The following SUGT1 variants were observed in gnomAD, a reference collection of about 807,000 sequenced individuals.
The protein encoded by SUGT1 is SGT1 assembly cochaperone of MIS12 kinetochore complex.
SUGT1 carries 15 observed loss-of-function variants against 56.1 expected under a neutral mutation model. That is an observed-to-expected ratio of 0.27 (90% confidence interval 0.18 to 0.41). The LOEUF (loss-of-function observed/expected upper bound fraction) is 0.41. Ranked by LOEUF, SUGT1 falls within the 10% of genes least tolerant of loss-of-function variation. The probability of loss-of-function intolerance (pLI) is 1.00; values close to 1 mark genes in which losing one functional copy is unlikely to be tolerated. For synonymous variants in SUGT1, 123 were observed against 128.6 expected, an observed-to-expected ratio of 0.96 and a Z score of 0.30; for missense variants, 347 against 382.2, an observed-to-expected ratio of 0.91 and a Z score of 0.77.
At chr13:52,686,083 A>C (rs1030090828) in intron 12 of SUGT1, among the ~76,000 whole-genome samples, 2 of 152,158 alleles carry the variant, frequency 1.3e-5, no homozygotes, top group African/African-American at 4.8e-5. Flanking sequence ...GCATGCCACT[A>C]CGCCTGGCTA....
At chr13:52,684,763 A>T (rs1251976016) in intron 12 of SUGT1, among the ~76,000 whole-genome samples, 4 of 151,846 alleles carry the variant, frequency 2.6e-5, no homozygotes, top group African/African-American at 9.7e-5. Flanking sequence ...CTTGAACTCA[A>T]GCAGTCCTCC....
intron 8 of SUGT1, among the ~76,000 whole-genome samples, chr13:52,664,514 TTTAA>T (rs1962600625): frequency 6.6e-6 from 1 of 152,246 alleles, no homozygotes; most frequent in African/African-American, 2.4e-5. Flanking sequence ...GTCTTTGACT[TTTAA>T]TTATTCATTA....
intron 5 of SUGT1, 109 bp from the exon 6 acceptor site, chr13:52,662,540 C>CGAATGAGG: frequency 9.6e-7 from 1 of 1,041,476 alleles, no homozygotes; most frequent in East Asian, 2.4e-5. Context: ...TCGCTGCCGA[C>CGAATGAGG]TCCCCAGTGC....
At position 52,666,945 on chromosome 13, in the gene SUGT1, T is replaced by A. The variant is rs775876621; in HGVS notation, c.627+26T>A. ...GTAAGACCATTGAAAAGTTTGTTAC[T>A]AGTAATATTTTCAAAATTATAGAAA... On this transcript the variant is annotated intron_variant, in intron 10 of 12. Transcript: ENST00000310528. 37 of 1,504,512 alleles carry A rather than the reference T, an allele frequency of 2.5e-5. 1 individual carries two copies. The South Asian group carries it at 4.3e-4, about 18-fold the overall frequency. 93.2% of individuals were successfully genotyped at this position (1,504,512 alleles called of 1,614,324 possible).
intron 12 of SUGT1, among the ~76,000 whole-genome samples, chr13:52,684,202 C>G (rs1254841673): frequency 6.6e-6 from 1 of 151,962 alleles, no homozygotes; most frequent in Non-Finnish European, 1.5e-5. Context: ...TGCCTGGCCT[C>G]CCTACTCTTT....
chr13:52,660,569 A>G (rs1452661385), intron 5 of SUGT1, among the ~76,000 whole-genome samples: 2 of 152,178 alleles, frequency 1.3e-5, no homozygotes, highest in African/African-American at 4.8e-5. Flanking sequence ...AGAAAAAAGG[A>G]TTTTAGCACT....
intron 2 of SUGT1, among the ~76,000 whole-genome samples, chr13:52,653,798 A>C (rs1050175501): frequency 1.3e-5 from 2 of 152,224 alleles, no homozygotes; most frequent in African/African-American, 4.8e-5. Flanking sequence ...TGCGGGTCAC[A>C]GAATTTAGCC....
Position 52,700,303 on chromosome 13 carries a change from C to T in SUGT1, c.*12468C>T, listed in dbSNP as rs1340740981. The stretch of plus-strand genomic sequence containing the variant: ...AGCCAAACACCTTAGAAAATAGCCT[C>T]AGCTATTTGCTATGTTTATATTATA... On this transcript the variant is annotated 3_prime_UTR_variant, in exon 13 of 13. Coordinates refer to ENST00000310528, the MANE Select transcript of SUGT1 (RefSeq NM_006704.5). The T allele has an allele frequency of 6.6e-6, 1 of 152,130 alleles. No homozygotes were observed. Among genetic ancestry groups the T allele is most frequent in the African/African-American group, 2.4e-5 (1 of 41,440 alleles). 9.4% of individuals were successfully genotyped at this position (152,130 alleles called of 1,614,324 possible). A position where few individuals can be genotyped will look rare whatever the true frequency, so the allele number is the denominator to read the frequency against.
At chr13:52,653,216 T>A in intron 2 of SUGT1, 113 bp downstream of exon 2, 2 of 1,266,824 alleles carry the variant, frequency 1.6e-6, no homozygotes, top group Non-Finnish European at 2.2e-6. Context: ...AGGCTCTTGT[T>A]GATGCTGCGT....
chr13:52,677,731 A>G (rs1409331737), intron 11 of SUGT1, among the ~76,000 whole-genome samples: 1 of 151,640 alleles, frequency 6.6e-6, no homozygotes, highest in Non-Finnish European at 1.5e-5. Context: ...CTTGTTGCAT[A>G]CTGCTTGTTG....
In SUGT1 at chr13:52,693,464, A is replaced by G. The variant is rs1963836944; in HGVS notation, c.*5629A>G. On this transcript the variant is annotated 3_prime_UTR_variant, in exon 13 of 13. Coordinates refer to ENST00000310528, the MANE Select transcript of SUGT1 (RefSeq NM_006704.5). Reference sequence around the variant, plus strand: ...TATATTTAGAGCTTTTGTTAAGTACATGAAAAGACAGTATTGCATAGTGGT... The same window carrying G: ...TATATTTAGAGCTTTTGTTAAGTACGTGAAAAGACAGTATTGCATAGTGGT... 1 of 152,208 alleles carries G rather than the reference A, an allele frequency of 6.6e-6. No homozygotes were observed. Among genetic ancestry groups the G allele is most frequent in the Admixed American group, 6.5e-5 (1 of 15,278 alleles). 9.4% of individuals were successfully genotyped at this position (152,208 alleles called of 1,614,324 possible).
intron 9 of SUGT1, among the ~76,000 whole-genome samples, chr13:52,666,045 A>C (rs1298619181): frequency 1.3e-5 from 2 of 152,228 alleles, no homozygotes; most frequent in South Asian, 2.1e-4. Flanking sequence ...TTGTGATCAC[A>C]CATGTCTTAG....
At chr13:52,677,605 C>A (rs1963200707) in intron 11 of SUGT1, among the ~76,000 whole-genome samples, 1 of 152,136 alleles carries the variant, frequency 6.6e-6, no homozygotes, top group Admixed American at 6.6e-5. Context: ...TAGTATTCCT[C>A]CCATTTTGCA....
At chr13:52,659,068 TA>T in intron 4 of SUGT1, 110 bp from the exon 5 acceptor site, 1 of 789,678 alleles carries the variant, frequency 1.3e-6, no homozygotes, top group Non-Finnish European at 1.9e-6. Context: ...AACATACACT[TA>T]AAATAAATTT....
intron 10 of SUGT1, 92 bp downstream of exon 10, chr13:52,667,011 ATTCT>A (rs1962735403): frequency 1.2e-5 from 10 of 847,740 alleles, no homozygotes; most frequent in African/African-American, 3.4e-5. Context: ...AAGCTTGTAG[ATTCT>A]TTCAGCCCTT....
Position 52,694,703 on chromosome 13 carries a change from T to C in SUGT1, c.*6868T>C, listed in dbSNP as rs1409046052. The C allele has an allele frequency of 6.6e-6, 1 of 152,320 alleles. No homozygotes were observed. Among genetic ancestry groups the C allele is most frequent in the Non-Finnish European group, 1.5e-5 (1 of 68,110 alleles). 9.4% of individuals were successfully genotyped at this position (152,320 alleles called of 1,614,324 possible). Reference sequence around the variant, plus strand: ...TTGTTTGTGTTTGTTTTTGTTTTTGTTTTTGAGACGGAGTCTTGCTCTGTC... The same window carrying C: ...TTGTTTGTGTTTGTTTTTGTTTTTGCTTTTGAGACGGAGTCTTGCTCTGTC... On this transcript the variant is annotated 3_prime_UTR_variant, in exon 13 of 13. Coordinates refer to ENST00000310528, the MANE Select transcript of SUGT1 (RefSeq NM_006704.5).
rs1964026687 is a variant in SUGT1 at position 52,699,489 on chromosome 13, T to C, written c.*11654T>C. ...GCTAAGTGAATGTTAAAAATTACGG[T>C]GCTGGTTGAGTAGGCCGAGTAGAAT... On this transcript the variant is annotated 3_prime_UTR_variant, in exon 13 of 13. Transcript: ENST00000310528. 1 of 152,194 alleles carries C rather than the reference T, an allele frequency of 6.6e-6. No individual in the cohort carries two copies. The highest frequency in any genetic ancestry group is 2.1e-4 in the South Asian group (1 of 4,832). The allele number at this position is 152,194 out of a possible 1,614,324, so 9.4% of individuals were successfully genotyped here. A position where few individuals can be genotyped will look rare whatever the true frequency, so the allele number is the denominator to read the frequency against.
At chr13:52,671,975 A>G (rs1282147846) in intron 10 of SUGT1, among the ~76,000 whole-genome samples, 1 of 152,188 alleles carries the variant, frequency 6.6e-6, no homozygotes, top group Non-Finnish European at 1.5e-5. Flanking sequence ...ATGGATAACA[A>G]TCTTTTTTAA....
rs1199667379 is a variant in SUGT1, at chr13:52,687,864, G to A, written c.*29G>A. 1.4e-6 allele frequency: 2 copies of A among 1,473,026 alleles called. No homozygotes were observed. The highest frequency in any genetic ancestry group is 2.1e-5 in the Admixed American group (1 of 48,690). 91.2% of individuals were successfully genotyped at this position (1,473,026 alleles called of 1,614,324 possible). On this transcript the variant is annotated 3_prime_UTR_variant, in exon 13 of 13. Coordinates refer to ENST00000310528, the MANE Select transcript of SUGT1 (RefSeq NM_006704.5). ...AATTAATTTGCTCTCATCGTATTGT[G>A]TATATTCACCTAATGCCCATTGTGT...
Sources: allele counts gnomAD v4.1 joint callset (sites outside exome capture counted in the v4.1 genomes callset), GRCh38; gene constraint gnomAD v4.1.1; transcripts MANE v1.5; gene names NCBI Gene and HGNC (gene_info 2026-07-23, HGNC 2026-07-21).